Variants in SLC9C2 observed in about 807,000 individuals in gnomAD.
SLC9C2 encodes solute carrier family 9 member C2 (putative), also known as sodium/hydrogen exchanger 11.
In SLC9C2, 75 loss-of-function variants were observed where a neutral mutation model predicts 140.2. The observed-to-expected ratio is 0.53, with a 90% CI of 0.44 to 0.65. The LOEUF (loss-of-function observed/expected upper bound fraction) is 0.65. Among genes scored for constraint, SLC9C2 ranks in the 30% least tolerant of loss-of-function variants. SLC9C2 has a pLI of 0.00. For missense variants in SLC9C2, 1,074 were observed against 1,331.8 expected (o/e 0.81, Z 3.01); for synonymous variants, 375 against 420.9 (o/e 0.89, Z 1.34).
At chr1:173,544,200 T>C (rs1452787957) in intron 13 of SLC9C2, among the ~76,000 whole-genome samples, 3 of 152,134 alleles carry the variant, frequency 2.0e-5, no homozygotes, top group African/African-American at 7.2e-5. Flanking sequence ...GGGCAAAGGA[T>C]ATGAACAGCC....
chr1:173,537,001 T>C lies in SLC9C2; in HGVS notation c.1596A>G (p.Glu532=). 6.2e-7 allele frequency: 1 copy of C among 1,613,824 alleles called. No homozygotes were observed. The highest frequency in any genetic ancestry group is 8.5e-7 in the Non-Finnish European group (1 of 1,179,850). ...FEKQRNNGIL[E]IEAARILIGA... Reference sequence around the variant, plus strand: ...CAATTAATATCCGGGCTGCCTCTATTTCAAGAATTCCATTGTTACGCTGTT... The same window carrying C: ...CAATTAATATCCGGGCTGCCTCTATCTCAAGAATTCCATTGTTACGCTGTT... The change falls in exon 14 of 28, where the codon GAA becomes GAG. Residue 532 remains glutamate, a synonymous_variant. Coordinates refer to ENST00000367714, the MANE Select transcript of SLC9C2 (RefSeq NM_178527.4).
chr1:173,507,913 G>A (rs1368209765), intron 24 of SLC9C2, among the ~76,000 whole-genome samples: 2 of 152,052 alleles, frequency 1.3e-5, no homozygotes, highest in Non-Finnish European at 2.9e-5. Flanking sequence ...TGTTACAGCC[G>A]TGCTTGCAAA....
chr1:173,557,484 G>A lies in SLC9C2; in HGVS notation c.1071C>T (p.Ser357=). 1 of 1,612,512 alleles carries A rather than the reference G, an allele frequency of 6.2e-7. No homozygotes were observed. Among genetic ancestry groups the A allele is most frequent in the South Asian group, 1.1e-5 (1 of 90,620 alleles). ...LVRLLTILLV[S]PILMHSNYEY... ...CATAATTTGAATGCATCAAAATAGG[G>A]CTCACTAACAAAATAGTAAGCAACC... The change falls in exon 10 of 28, where the codon AGC becomes AGT. Residue 357 remains serine, a synonymous_variant. Coordinates refer to ENST00000367714, the MANE Select transcript of SLC9C2 (RefSeq NM_178527.4).
chr1:173,593,081 A>C (rs1438278373), intron 4 of SLC9C2, among the ~76,000 whole-genome samples: 1 of 152,222 alleles, frequency 6.6e-6, no homozygotes. Flanking sequence ...TGAATGAAGC[A>C]CTAAATATGG....
At chr1:173,512,797 T>A (rs942780733) in intron 23 of SLC9C2, among the ~76,000 whole-genome samples, 2 of 152,206 alleles carry the variant, frequency 1.3e-5, no homozygotes, top group Non-Finnish European at 2.9e-5. Context: ...TTGTCATAAA[T>A]AGTTCTTATT....
intron 12 of SLC9C2, among the ~76,000 whole-genome samples, 183 bp downstream of exon 12, chr1:173,548,206 C>A (rs916056908): frequency 6.6e-5 from 10 of 152,168 alleles, no homozygotes; most frequent in Non-Finnish European, 1.5e-4. Flanking sequence ...GCTGGATAAC[C>A]AAGACCTTCT....
chr1:173,551,995 T>G (rs1388105934), intron 11 of SLC9C2, among the ~76,000 whole-genome samples: 2 of 152,180 alleles, frequency 1.3e-5, no homozygotes, highest in African/African-American at 4.8e-5. Context: ...AAATTAAAAG[T>G]GCTACTCCAG....
intron 24 of SLC9C2, among the ~76,000 whole-genome samples, chr1:173,508,469 T>C (rs1258470119): frequency 6.6e-6 from 1 of 152,090 alleles, no homozygotes; most frequent in Admixed American, 6.5e-5. Context: ...TGGTCCTAAT[T>C]CTCACCCCTG....
intron 3 of SLC9C2, 39 bp from the exon 4 acceptor site, chr1:173,598,071 C>A (rs761165918): frequency 1.2e-5 from 19 of 1,548,914 alleles, no homozygotes; most frequent in Non-Finnish European, 8.7e-7. Flanking sequence ...AGTTTGCTAC[C>A]ATTTCCAAGT....
chr1:173,503,667 T>C (rs1036159189), intron 26 of SLC9C2, among the ~76,000 whole-genome samples: 1 of 152,190 alleles, frequency 6.6e-6, no homozygotes, highest in Non-Finnish European at 1.5e-5. Flanking sequence ...TATTGCCACA[T>C]ACAGGAATGA....
At chr1:173,580,553 A>G (rs1055422632) in intron 7 of SLC9C2, among the ~76,000 whole-genome samples, 6 of 152,108 alleles carry the variant, frequency 3.9e-5, no homozygotes, top group African/African-American at 1.4e-4. Context: ...GGGTTTCACT[A>G]TATTGGCCAG....
intron 13 of SLC9C2, among the ~76,000 whole-genome samples, chr1:173,544,511 TATACCCAAAGGATTATAA>T (rs1307642566): frequency 6.6e-6 from 1 of 152,212 alleles, no homozygotes; most frequent in African/African-American, 2.4e-5. Context: ...TTACTAGGTA[TATACCCAAAGGATTATAA>T]ATCATGCTAC....
chr1:173,587,485 G>A (rs575081953), intron 5 of SLC9C2, among the ~76,000 whole-genome samples, 180 bp downstream of exon 5: 4 of 151,878 alleles, frequency 2.6e-5, no homozygotes, highest in Admixed American at 6.6e-5. Flanking sequence ...CATCTCCTTG[G>A]TGGCTGTCTT....
intron 7 of SLC9C2, among the ~76,000 whole-genome samples, chr1:173,580,378 G>A (rs1407906790): frequency 6.6e-6 from 1 of 150,792 alleles, no homozygotes; most frequent in East Asian, 1.9e-4. Context: ...TTGAGGCAGA[G>A]TCTCACTCTG....
Position 173,547,636 on chromosome 1 carries a change from T to G in SLC9C2, c.1557+53A>C, listed in dbSNP as rs965957416. 12 of 1,343,632 alleles carry G rather than the reference T, an allele frequency of 8.9e-6. No individual in the cohort carries two copies. In the African/African-American group the frequency reaches 1.4e-4, roughly 16 times the overall value. 83.2% of individuals were successfully genotyped at this position (1,343,632 alleles called of 1,614,324 possible). On this transcript the variant is annotated intron_variant, in intron 13 of 27. Coordinates refer to ENST00000367714, the MANE Select transcript of SLC9C2 (RefSeq NM_178527.4). ...GTCATCTGAAAATCATATGCAAGGA[T>G]CAAAGACATTGCAAGAAAGGAAATT...
chr1:173,524,967 A>G, intron 19 of SLC9C2, 40 bp from the exon 20 acceptor site: 1 of 1,578,048 alleles, frequency 6.3e-7, no homozygotes, highest in Non-Finnish European at 8.7e-7. Context: ...TGGCCTATGC[A>G]ATAACCACAA....
chr1:173,597,772 A>G (rs1208285885), intron 4 of SLC9C2, 132 bp downstream of exon 4: 3 of 924,350 alleles, frequency 3.2e-6, no homozygotes, highest in Non-Finnish European at 1.6e-6. Context: ...TAGTAGTTCT[A>G]TAGAATGAAG....
intron 24 of SLC9C2, among the ~76,000 whole-genome samples, chr1:173,509,200 T>A (rs1329328217): frequency 2.0e-5 from 3 of 152,062 alleles, no homozygotes; most frequent in African/African-American, 7.2e-5. Flanking sequence ...TCCCAGCACT[T>A]TGGGAGGCCG....
intron 7 of SLC9C2, among the ~76,000 whole-genome samples, chr1:173,578,952 G>A (rs1665353274): frequency 2.0e-5 from 3 of 152,186 alleles, no homozygotes; most frequent in African/African-American, 7.2e-5. Context: ...CTTTTGGGGG[G>A]ACACAATTCA....
Sources: gnomAD v4.1 joint callset for allele counts (sites outside exome capture counted in the v4.1 genomes callset) on GRCh38, gnomAD v4.1.1 for gene constraint, MANE v1.5 for transcripts, NCBI Gene and HGNC (gene_info 2026-07-23, HGNC 2026-07-21) for gene names.